ASCC3: variants seen among roughly 807,000 people sequenced by gnomAD.
ASCC3 encodes the protein ASC-1 complex subunit P200.
ASCC3 carries 158 observed loss-of-function variants against 256.3 expected under a neutral mutation model. The ratio of observed to expected loss-of-function variants is 0.62; its 90% CI spans 0.54 to 0.70. The LOEUF is 0.70. Ranked by LOEUF, ASCC3 falls within the 30% of genes least tolerant of loss-of-function variation. The pLI is 0.00. For synonymous variants in ASCC3, 948 were observed against 883.4 expected, an observed-to-expected ratio of 1.07 and a Z score of -1.30; for missense variants, 2,259 against 2,626.0, an observed-to-expected ratio of 0.86 and a Z score of 3.05.
chr6:100,873,009 C>G (rs547442459), intron 1 of ASCC3, among the ~76,000 whole-genome samples: 1 of 152,132 alleles, frequency 6.6e-6, no homozygotes, highest in Admixed American at 6.5e-5. Context: ...ATCACAGTAG[C>G]TCACCAACAA....
At chr6:100,633,623 T>C (rs1450676699) in intron 25 of ASCC3, among the ~76,000 whole-genome samples, 1 of 151,558 alleles carries the variant, frequency 6.6e-6, no homozygotes, top group African/African-American at 2.4e-5. Context: ...CCCAGCACTT[T>C]GGGAGGCGAA....
intron 37 of ASCC3, among the ~76,000 whole-genome samples, chr6:100,528,055 T>C (rs1348661381): frequency 6.6e-6 from 1 of 151,950 alleles, no homozygotes; most frequent in African/African-American, 2.4e-5. Flanking sequence ...CCCAGGCTGT[T>C]CTCGAATTCC....
At chr6:100,773,351 A>G (rs146397901) in intron 8 of ASCC3, among the ~76,000 whole-genome samples, 5 of 152,308 alleles carry the variant, frequency 3.3e-5, no homozygotes, top group African/African-American at 9.6e-5. Context: ...ACTTATGACA[A>G]GAAACAGAGT....
chr6:100,819,662 G>C (rs1012870861), intron 4 of ASCC3, among the ~76,000 whole-genome samples: 1 of 152,068 alleles, frequency 6.6e-6, no homozygotes, highest in Non-Finnish European at 1.5e-5. Flanking sequence ...GGAAGGGGGT[G>C]GGGGGAGATG....
chr6:100,540,142 T>A, intron 37 of ASCC3, 21 bp downstream of exon 37: 1 of 1,583,196 alleles, frequency 6.3e-7, no homozygotes, highest in Non-Finnish European at 8.7e-7. Context: ...CACACATAGG[T>A]ATTAGAAATG....
chr6:100,592,518 TA>T (rs1393107899), intron 34 of ASCC3, among the ~76,000 whole-genome samples: 2 of 152,072 alleles, frequency 1.3e-5, no homozygotes, highest in South Asian at 2.1e-4. Context: ...TGAGACACTA[TA>T]AAATAATTTA....
chr6:100,650,614 A>T lies in ASCC3; in HGVS notation c.3176T>A (p.Ile1059Asn). The T allele has an allele frequency of 1.9e-6, 3 of 1,612,814 alleles. No homozygotes were observed. The highest frequency in any genetic ancestry group is 2.5e-6 in the Non-Finnish European group (3 of 1,179,138). ...TCGGCTGATATAAGTTTGAAGTAAG[A>T]TGTTTATTTTCCCATAACTATTCTC... ...GVENSYGKIN[I>N]LLQTYISRGE... The change falls in exon 20 of 42, where the codon ATC (isoleucine) becomes AAC (asparagine). Residue 1059 changes from isoleucine (I) to asparagine (N), a missense_variant. This residue lies in a region of ASCC3 where 1,839 missense variants were observed against 2,206.7 expected (regional missense o/e 0.83). Transcript: ENST00000369162.
chr6:100,800,098 G>C (rs1026930884), intron 6 of ASCC3, among the ~76,000 whole-genome samples: 1 of 151,870 alleles, frequency 6.6e-6, no homozygotes, highest in East Asian at 1.9e-4. Flanking sequence ...ACCTGGATGC[G>C]ACCAAGAATA....
At chr6:100,784,766 T>C (rs1459301281) in intron 8 of ASCC3, among the ~76,000 whole-genome samples, 1 of 152,062 alleles carries the variant, frequency 6.6e-6, no homozygotes, top group Non-Finnish European at 1.5e-5. Flanking sequence ...ATATTATTTT[T>C]TGGTAATAGA....
intron 36 of ASCC3, among the ~76,000 whole-genome samples, chr6:100,578,337 G>A (rs1459328299): frequency 6.6e-6 from 1 of 151,996 alleles, no homozygotes; most frequent in Admixed American, 6.6e-5. Context: ...GTGTTGTGGT[G>A]GTTTGGGGTA....
At chr6:100,790,425 C>G (rs1769297277) in intron 8 of ASCC3, among the ~76,000 whole-genome samples, 1 of 151,860 alleles carries the variant, frequency 6.6e-6, no homozygotes. Context: ...ATCATGAACT[C>G]AAGAAATTAT....
chr6:100,741,889 A>C (rs1268839531), intron 10 of ASCC3, among the ~76,000 whole-genome samples: 1 of 152,172 alleles, frequency 6.6e-6, no homozygotes, highest in Non-Finnish European at 1.5e-5. Flanking sequence ...TCTCAGTCTC[A>C]AACCAGTTCT....
chr6:100,863,011 AGTAAT>A (rs1773300512), intron 3 of ASCC3, among the ~76,000 whole-genome samples: 1 of 152,190 alleles, frequency 6.6e-6, no homozygotes, highest in Admixed American at 6.6e-5. Flanking sequence ...TGTTTGACAC[AGTAAT>A]GAAGGCAAGA....
chr6:100,646,776 G>A lies in ASCC3; in HGVS notation c.3479-7C>T. The A allele has an allele frequency of 1.2e-6, 2 of 1,613,212 alleles. No homozygotes were observed. The highest frequency in any genetic ancestry group is 1.7e-5 in the Admixed American group (1 of 59,996). ...ACATGATGTAAAATGTGACCTGCAA[G>A]AAAAATATCACATAGAAGAAATGTG... On this transcript the variant is annotated splice_region_variant and splice_polypyrimidine_tract_variant and intron_variant, in intron 21 of 41. Transcript: ENST00000369162.
At chr6:100,833,049 C>T (rs1387088699) in intron 4 of ASCC3, among the ~76,000 whole-genome samples, 4 of 151,666 alleles carry the variant, frequency 2.6e-5, no homozygotes, top group Non-Finnish European at 5.9e-5. Context: ...TAGAAGCAAC[C>T]AACATATCCT....
intron 36 of ASCC3, among the ~76,000 whole-genome samples, chr6:100,566,571 T>G (rs1770261920): frequency 6.6e-6 from 1 of 152,176 alleles, no homozygotes; most frequent in Non-Finnish European, 1.5e-5. Context: ...GCAACCTCCT[T>G]ATATCTGTAC....
At chr6:100,521,621 C>T (rs1044391295) in intron 37 of ASCC3, among the ~76,000 whole-genome samples, 3 of 152,138 alleles carry the variant, frequency 2.0e-5, no homozygotes, top group African/African-American at 7.2e-5. Flanking sequence ...GAACTATGTT[C>T]TAAGGATAAG....
intron 30 of ASCC3, among the ~76,000 whole-genome samples, chr6:100,613,812 C>T (rs998687699): frequency 2.0e-5 from 3 of 152,046 alleles, no homozygotes; most frequent in African/African-American, 4.8e-5. Flanking sequence ...GTAAGAGTTC[C>T]CTTTCCCCTG....
intron 37 of ASCC3, among the ~76,000 whole-genome samples, chr6:100,532,394 ATATATATATATATTT>A (rs1467126333): frequency 5.6e-4 from 23 of 41,302 alleles, no homozygotes; most frequent in East Asian, 4.8e-3. Context: ...ATATATATAT[ATATATATATATATTT>A]TTTTTTTTTT....
Sources: allele counts gnomAD v4.1 joint callset (sites outside exome capture counted in the v4.1 genomes callset), GRCh38; gene constraint gnomAD v4.1.1; regional missense constraint gnomAD v4.1.1; transcripts MANE v1.5; gene names NCBI Gene and HGNC (gene_info 2026-07-23, HGNC 2026-07-21).